The following NOC4L variants were observed in gnomAD, a reference collection of about 807,000 sequenced individuals.
NOC4L encodes the protein nucleolar complex protein 4 homolog.
In NOC4L, 40 loss-of-function variants were observed where a neutral mutation model predicts 62.8. The observed-to-expected ratio is 0.64, with a 90% CI of 0.49 to 0.83. NOC4L has a LOEUF of 0.83. Among genes scored for constraint, NOC4L ranks in the 40% least tolerant of loss-of-function variants. The pLI is 0.00. For synonymous variants in NOC4L, 433 were observed against 299.8 expected, an observed-to-expected ratio of 1.44 and a Z score of -4.59; for missense variants, 927 against 701.9, an observed-to-expected ratio of 1.32 and a Z score of -3.62.
chr12:132,147,882 G>GCCCCC lies in NOC4L; in HGVS notation c.608_612dup (p.Ala205ProfsTer15). 6.2e-7 allele frequency: 1 copy of GCCCCC among 1,609,024 alleles called. No individual in the cohort carries two copies. The highest frequency in any genetic ancestry group is 2.2e-5 in the East Asian group (1 of 44,826). On this transcript the variant is annotated frameshift_variant, in exon 6 of 15. Transcript: ENST00000330579. LOFTEE classifies it high-confidence loss of function. ...GGCACTCAGGCCAGGCTCCGCAGGT[G>GCCCCC]CCCCCCGCCTTTTGGAACAATGCCT...
Position 132,145,370 on chromosome 12 carries a change from C to T in NOC4L, c.239-189C>T, listed in dbSNP as rs192450535. Among the ~76,000 whole-genome samples the T allele has an allele frequency of 3.7e-4, 56 of 152,276 alleles. 1 individual carries two copies. Among genetic ancestry groups the T allele is most frequent in the African/African-American group, 1.3e-3 (54 of 41,548 alleles). ...GGGCAGTCCTGGGGTAGGAGGTGCT[C>T]TTCCTGTTTGCAGGGCTCAGGGAAT... On this transcript the variant is annotated intron_variant, in intron 2 of 14. Coordinates refer to ENST00000330579, the MANE Select transcript of NOC4L (RefSeq NM_024078.3).
chr12:132,146,427 C>T (rs1316079944), intron 3 of NOC4L: 9 of 442,568 alleles, frequency 2.0e-5, no homozygotes, highest in South Asian at 9.4e-5. Context: ...GGACTGTGAA[C>T]GTTCGCGTAC....
chr12:132,147,537 G>A (rs950457320), intron 4 of NOC4L, 96 bp from the exon 5 acceptor site: 2 of 1,514,486 alleles, frequency 1.3e-6, no homozygotes, highest in Admixed American at 4.0e-5. Context: ...ACCAGGAGGA[G>A]TCTGCCTGGG....
rs140762828 is a variant in NOC4L, at chr12:132,148,829, G to A, written c.835G>A (p.Ala279Thr). ...GAAGGTGCTGCTGATTGTGCATGAC[G>A]CCATCCTGCCGCAGCTGGCGCAGCC... is the stretch of plus-strand genomic sequence containing the variant. Reference protein sequence around the residue: ...YKKVLLIVHDAILPQLAQPTL... With the variant: ...YKKVLLIVHDTILPQLAQPTL... Residue 279 changes from alanine to threonine, a missense_variant, in exon 9 of 15, where the codon GCC (alanine) becomes ACC (threonine). Transcript: ENST00000330579. The A allele has an allele frequency of 1.6e-4, 258 of 1,601,678 alleles. 2 individuals carry two copies. In the Middle Eastern group the frequency reaches 2.4e-3, roughly 15 times the overall value.
Position 132,150,792 on chromosome 12 carries a change from C to T in NOC4L, c.902-189C>T, listed in dbSNP as rs553745884. The stretch of plus-strand genomic sequence containing the variant: ...CAACCCCCACCCCGCAGCACCTCTT[C>T]CCCGATCCCACTGCCTCCACCCCCC... On this transcript the variant is annotated intron_variant, in intron 9 of 14. Coordinates refer to ENST00000330579, the MANE Select transcript of NOC4L (RefSeq NM_024078.3). 398 of 571,676 alleles carry T rather than the reference C, an allele frequency of 7.0e-4. 1 individual carries two copies. Among genetic ancestry groups the T allele is most frequent in the Admixed American group, 8.9e-4 (31 of 34,816 alleles). 35.4% of individuals were successfully genotyped at this position (571,676 alleles called of 1,614,324 possible).
In NOC4L at chr12:132,148,849, G is replaced by A. The variant is rs367672862; in HGVS notation, c.855G>A (p.Ala285=). 60 of 1,601,880 alleles carry A rather than the reference G, an allele frequency of 3.7e-5. No individual in the cohort carries two copies. The highest frequency in any genetic ancestry group is 2.4e-4 in the African/African-American group (18 of 74,496). ...IVHDAILPQL[A]QPTLMIDFLT... ...ATGACGCCATCCTGCCGCAGCTGGC[G>A]CAGCCCACGCTCATGATCGACTTCC... Residue 285 remains alanine, a synonymous_variant, in exon 9 of 15, where the codon GCG becomes GCA. Transcript: ENST00000330579.
chr12:132,147,837 G>A (rs757136625), intron 5 of NOC4L, 43 bp from the exon 6 acceptor site: 3 of 1,610,212 alleles, frequency 1.9e-6, no homozygotes, highest in Non-Finnish European at 2.5e-6. Context: ...AGGGAGGCAG[G>A]GACTGGGGGG....
rs773610896 is a variant in NOC4L at position 132,151,009 on chromosome 12, C to T, written c.930C>T (p.Asn310=). The change falls in exon 10 of 15, where the codon AAC becomes AAT. Residue 310 remains asparagine, a synonymous_variant. Coordinates refer to ENST00000330579, the MANE Select transcript of NOC4L (RefSeq NM_024078.3). ...GGGCCCTCAGCCTCTTGGCCTTGAA[C>T]GGGCTGTTCATCTTGATTCACAAAC... ...LGGALSLLAL[N]GLFILIHKHN... The T allele has an allele frequency of 1.6e-5, 25 of 1,611,042 alleles. No individual in the cohort carries two copies. Among genetic ancestry groups the T allele is most frequent in the African/African-American group, 5.3e-5 (4 of 74,896 alleles).
In NOC4L at chr12:132,147,332, C is replaced by T; in HGVS notation, c.397C>T (p.Pro133Ser). 1 of 1,594,786 alleles carries T rather than the reference C, an allele frequency of 6.3e-7. No homozygotes were observed. The highest frequency in any genetic ancestry group is 8.5e-7 in the Non-Finnish European group (1 of 1,170,476). The change falls in exon 4 of 15, where the codon CCC becomes TCC. Residue 133 changes from proline to serine, a missense_variant. Physicochemically the swap from Pro to Ser is moderately conservative, Grantham distance 74. Transcript: ENST00000330579. ...GTTCGTGCAGCTGGAAGGAGCGCAC[C>T]CCCTGGAGAAGTCCAAGTGGGAAGG... ...LKFVQLEGAH[P>S]LEKSKWEGNY...
intron 6 of NOC4L, 40 bp from the exon 7 acceptor site, chr12:132,148,032 C>A: frequency 6.2e-7 from 1 of 1,613,322 alleles, no homozygotes; most frequent in Non-Finnish European, 8.5e-7. Flanking sequence ...GTCTGCCTCC[C>A]CTGCGGGTCA....
At position 132,151,053 on chromosome 12, in the gene NOC4L, C is replaced by A. The variant is rs759986483; in HGVS notation, c.962+12C>A. On this transcript the variant is annotated intron_variant, in intron 10 of 14. Coordinates refer to ENST00000330579, the MANE Select transcript of NOC4L (RefSeq NM_024078.3). ...CACAAACACAACCTGTGAGTGTCAC[C>A]AGGGGTGCAGGTCTTCTTCCCAGTC... The A allele has an allele frequency of 1.9e-6, 3 of 1,606,420 alleles. No individual in the cohort carries two copies. Among genetic ancestry groups the A allele is most frequent in the South Asian group, 2.2e-5 (2 of 90,232 alleles).
chr12:132,147,387 A>G lies in NOC4L; in HGVS notation c.452A>G (p.Lys151Arg). 6.3e-7 allele frequency: 1 copy of G among 1,584,200 alleles called. No individual in the cohort carries two copies. Among genetic ancestry groups the G allele is most frequent in the East Asian group, 2.3e-5 (1 of 43,480 alleles). The stretch of plus-strand genomic sequence containing the variant: ...TACCTGTTCCCCCGAGAGCTCTTCA[A>G]GGTGAGGGCCTTGCTGGGGACTCCC... ...GNYLFPRELF[K>R]LVVGGLLSPE... Residue 151 changes from lysine to arginine, a missense_variant and splice_region_variant, in exon 4 of 15, where the codon AAG becomes AGG. By Grantham distance (26) the Lys-to-Arg change is conservative. Coordinates refer to ENST00000330579, the MANE Select transcript of NOC4L (RefSeq NM_024078.3).
chr12:132,148,602 G>C lies in NOC4L; in HGVS notation c.739-7G>C, dbSNP rs533552838. 5 of 1,547,902 alleles carry C rather than the reference G, an allele frequency of 3.2e-6. No homozygotes were observed. The highest frequency in any genetic ancestry group is 4.4e-6 in the Non-Finnish European group (5 of 1,145,510). The stretch of plus-strand genomic sequence containing the variant: ...GGGCGGCGAGTGCAGTCTGGACCCC[G>C]TTGCAGGAGCACAGGAGGGTTTTCC... On this transcript the variant is annotated splice_region_variant and splice_polypyrimidine_tract_variant and intron_variant, in intron 7 of 14. Coordinates refer to ENST00000330579, the MANE Select transcript of NOC4L (RefSeq NM_024078.3).
chr12:132,147,362 T>C lies in NOC4L; in HGVS notation c.427T>C (p.Tyr143His). 2.5e-6 allele frequency: 4 copies of C among 1,597,342 alleles called. No individual in the cohort carries two copies. Among genetic ancestry groups the C allele is most frequent in the Non-Finnish European group, 3.4e-6 (4 of 1,171,694 alleles). The change falls in exon 4 of 15, where the codon TAC becomes CAC. Residue 143 changes from tyrosine (Y) to histidine (H), a missense_variant. Tyr to His is a moderately conservative substitution (Grantham distance 83, BLOSUM62 2). Coordinates refer to ENST00000330579, the MANE Select transcript of NOC4L (RefSeq NM_024078.3). ...GGAGAAGTCCAAGTGGGAAGGCAAC[T>C]ACCTGTTCCCCCGAGAGCTCTTCAA... ...PLEKSKWEGN[Y>H]LFPRELFKLV...
At position 132,151,539 on chromosome 12, in the gene NOC4L, C is replaced by T. The variant is rs1437509357; in HGVS notation, c.1129C>T (p.Leu377=). ...AFAKRLARLA[L]TAPPEALLMV... ...CGCCAAGCGGCTGGCCCGCCTGGCC[C>T]TGACGGCTCCCCCTGAGGCCCTGCT... Residue 377 remains leucine (L), a synonymous_variant, in exon 12 of 15, where the codon CTG becomes TTG. Transcript: ENST00000330579. The T allele has an allele frequency of 6.2e-7, 1 of 1,608,804 alleles. No homozygotes were observed. Among genetic ancestry groups the T allele is most frequent in the Admixed American group, 1.7e-5 (1 of 59,786 alleles).
Position 132,147,308 on chromosome 12 carries a change from T to A in NOC4L, c.373T>A (p.Phe125Ile). 2 of 1,577,968 alleles carry A rather than the reference T, an allele frequency of 1.3e-6. No individual in the cohort carries two copies. Among genetic ancestry groups the A allele is most frequent in the Non-Finnish European group, 1.7e-6 (2 of 1,161,456 alleles). ...KELALSALLK[F>I]VQLEGAHPLE... ...GCTGGCCCTCAGCGCACTCCTGAAG[T>A]TCGTGCAGCTGGAAGGAGCGCACCC... The change falls in exon 4 of 15, where the codon TTC becomes ATC. Residue 125 changes from phenylalanine (F) to isoleucine (I), a missense_variant. By Grantham distance (21) the Phe-to-Ile change is conservative. Coordinates refer to ENST00000330579, the MANE Select transcript of NOC4L (RefSeq NM_024078.3).
In NOC4L at chr12:132,145,258, G is replaced by A. The variant is rs772619639; in HGVS notation, c.238+284G>A. Among the ~76,000 whole-genome samples, 10 of 152,336 alleles carry A rather than the reference G, an allele frequency of 6.6e-5. No homozygotes were observed. In the South Asian group the frequency reaches 1.9e-3, roughly 28 times the overall value. On this transcript the variant is annotated intron_variant, in intron 2 of 14. Transcript: ENST00000330579. ...GATCCTGACACGGTCGCTTAAACTC[G>A]GAGCTTCCTTTATGTCCCCATCCTG...
chr12:132,148,755 C>T, intron 8 of NOC4L, 29 bp from the exon 9 acceptor site: 1 of 1,041,070 alleles, frequency 9.6e-7, no homozygotes, highest in Non-Finnish European at 1.3e-6. Context: ...CCACCCGCCC[C>T]TCACCCCCAC....
At position 132,144,967 on chromosome 12, in the gene NOC4L, C is replaced by T. The variant is rs370097957; in HGVS notation, c.231C>T (p.Val77=). Reference sequence around the variant, plus strand: ...GCCAGCTGCCCTCTGAGGAGATGGTCATGACAGGTGAGCCCTGGAGGGCCC... The same window carrying T: ...GCCAGCTGCCCTCTGAGGAGATGGTTATGACAGGTGAGCCCTGGAGGGCCC... ...FVGQLPSEEM[V]MTGSQGATRK... The change falls in exon 2 of 15, where the codon GTC becomes GTT. Residue 77 remains valine (V), a synonymous_variant. Coordinates refer to ENST00000330579, the MANE Select transcript of NOC4L (RefSeq NM_024078.3). 1.4e-5 allele frequency: 22 copies of T among 1,598,516 alleles called. No homozygotes were observed. The African/African-American group carries it at 2.0e-4, about 15-fold the overall frequency.
Sources: allele counts gnomAD v4.1 joint callset (sites outside exome capture counted in the v4.1 genomes callset), GRCh38; gene constraint gnomAD v4.1.1; transcripts MANE v1.5; gene names NCBI Gene and HGNC (gene_info 2026-07-23, HGNC 2026-07-21).